The following SPDEF variants were observed in gnomAD, a reference collection of about 807,000 sequenced individuals.
The protein encoded by SPDEF is SAM pointed domain-containing Ets transcription factor.
Under a neutral mutation model 36.0 loss-of-function variants are expected in SPDEF, and 12 were observed. The observed-to-expected ratio is 0.33, with a 90% CI of 0.21 to 0.54. The LOEUF is 0.54. Among genes scored for constraint, SPDEF ranks in the 20% least tolerant of loss-of-function variants. The pLI is 0.93. For missense variants in SPDEF, 388 were observed against 456.9 expected (o/e 0.85, Z 1.37); for synonymous variants, 205 against 193.0 (o/e 1.06, Z -0.51).
chr6:34,551,701 G>A (rs1482330037), intron 1 of SPDEF, among the ~76,000 whole-genome samples: 7 of 152,120 alleles, frequency 4.6e-5, no homozygotes, highest in African/African-American at 1.4e-4. Context: ...TTGATGTCTG[G>A]AGGCTCTGAA....
chr6:34,543,195 C>CAAAAAAAAAAA, intron 2 of SPDEF, among the ~76,000 whole-genome samples: 1 of 69,142 alleles, frequency 1.4e-5, no homozygotes, highest in Non-Finnish European at 2.4e-5. Context: ...GACTCCATCT[C>CAAAAAAAAAAA]AAAAAAAAAA....
rs1768081845 is a variant in SPDEF at position 34,552,432 on chromosome 6, GT to G, written c.-30+3496del. 6.6e-6 allele frequency among the ~76,000 whole-genome samples: 1 copy of G among 152,238 alleles called. No homozygotes were observed. Among genetic ancestry groups the G allele is most frequent in the Non-Finnish European group, 1.5e-5 (1 of 68,050 alleles). ...CAGGGACTCATAAAGACAGCTGTGT[GT>G]CTGGATTTTGAAGTCACCAGGCAGG... On this transcript the variant is annotated intron_variant, in intron 1 of 5. Coordinates refer to ENST00000374037, the MANE Select transcript of SPDEF (RefSeq NM_012391.3). The surrounding 1 kb of genome is among the most constrained non-coding windows in gnomAD (Gnocchi z 4.6).
chr6:34,551,998 T>C (rs557430771), intron 1 of SPDEF, among the ~76,000 whole-genome samples: 1 of 152,162 alleles, frequency 6.6e-6, no homozygotes. Flanking sequence ...CCCATGTGTA[T>C]ATAAATACAT....
chr6:34,546,662 A>C (rs1205992101), intron 1 of SPDEF, among the ~76,000 whole-genome samples: 1 of 151,656 alleles, frequency 6.6e-6, no homozygotes, highest in Non-Finnish European at 1.5e-5. Flanking sequence ...CCAGTGTTAC[A>C]TGGCAGCCCT....
At chr6:34,546,487 G>C (rs1165592375) in intron 1 of SPDEF, among the ~76,000 whole-genome samples, 1 of 152,202 alleles carries the variant, frequency 6.6e-6, no homozygotes, top group Non-Finnish European at 1.5e-5. Context: ...AAAGAACCCA[G>C]TCTGGAAGAC....
chr6:34,537,911 C>T lies in SPDEF; in HGVS notation c.*363G>A, dbSNP rs1203082607. On this transcript the variant is annotated 3_prime_UTR_variant, in exon 6 of 6. Coordinates refer to ENST00000374037, the MANE Select transcript of SPDEF (RefSeq NM_012391.3). The stretch of plus-strand genomic sequence containing the variant: ...GCCAGGTGTGGTGCAGAATGGGAGG[C>T]AGGGGGATGGAGCAGAGAGAGGCCT... The T allele has an allele frequency of 1.4e-5, 3 of 210,308 alleles. No individual in the cohort carries two copies. In the East Asian group the frequency reaches 3.3e-4, roughly 23 times the overall value. The allele number at this position is 210,308 out of a possible 1,614,324, so 13.0% of individuals were successfully genotyped here.
rs1055984971 is a variant in SPDEF, at chr6:34,553,921, G to A, written c.-30+2008C>T. 2.5e-3 allele frequency among the ~76,000 whole-genome samples: 30 copies of A among 11,786 alleles called. No individual in the cohort carries two copies. The East Asian group carries it at 0.029, about 11-fold the overall frequency. 7.7% of individuals were successfully genotyped at this position (11,786 alleles called of 152,430 possible). A position where few individuals can be genotyped will look rare whatever the true frequency, so the allele number is the denominator to read the frequency against. Reference sequence around the variant, plus strand: ...CCCCACCCACTTCCCCCCGGCCCCCGCACCCGCCACCACCCCCCAACGCCC... The same window carrying A: ...CCCCACCCACTTCCCCCCGGCCCCCACACCCGCCACCACCCCCCAACGCCC... On this transcript the variant is annotated intron_variant, in intron 1 of 5. Transcript: ENST00000374037.
rs545710842 is a variant in SPDEF at position 34,539,775 on chromosome 6, C to T, written c.635-213G>A. Among the ~76,000 whole-genome samples, 83 of 152,280 alleles carry T rather than the reference C, an allele frequency of 5.5e-4. 2 individuals carry two copies. Among genetic ancestry groups the T allele is most frequent in the African/African-American group, 4.8e-5 (2 of 41,540 alleles). On this transcript the variant is annotated intron_variant, in intron 3 of 5. Transcript: ENST00000374037. This position sits in a 1 kb window ranked among gnomAD's most constrained non-coding sequence, Gnocchi z 5.2. ...TCAGGATTTCAGAGCTGGGAGGGGC[C>T]GTAAAGGGCTTGCATGCAACCCCTT...
At chr6:34,540,576 A>T (rs1468692231) in intron 3 of SPDEF, among the ~76,000 whole-genome samples, 1 of 151,632 alleles carries the variant, frequency 6.6e-6, no homozygotes, top group African/African-American at 2.4e-5. Flanking sequence ...ATGGTACACT[A>T]CTTTTCACTG....
At chr6:34,542,372 G>A (rs1321407439) in intron 2 of SPDEF, among the ~76,000 whole-genome samples, 1 of 152,242 alleles carries the variant, frequency 6.6e-6, no homozygotes, top group African/African-American at 2.4e-5. Flanking sequence ...CACAGCATCA[G>A]CTCCATAATC....
At position 34,544,196 on chromosome 6, in the gene SPDEF, G is replaced by A. The variant is rs763757146; in HGVS notation, c.260C>T (p.Pro87Leu). The A allele has an allele frequency of 2.2e-5, 36 of 1,613,772 alleles. No homozygotes were observed. In the African/African-American group the frequency reaches 4.7e-4, roughly 21 times the overall value. ...APGASSREEP[P>L]EEPEQCPVID... is the part of the protein sequence containing the mutation. Reference sequence around the variant, plus strand: ...GACCGGGCACTGCTCAGGCTCCTCAGGTGGCTCCTCCCGACTGCTGGCCCC... The same window carrying A: ...GACCGGGCACTGCTCAGGCTCCTCAAGTGGCTCCTCCCGACTGCTGGCCCC... The change falls in exon 2 of 6, where the codon CCT becomes CTT. Residue 87 changes from proline to leucine, a missense_variant. Pro to Leu is a moderately conservative substitution (Grantham distance 98, BLOSUM62 -3). Coordinates refer to ENST00000374037, the MANE Select transcript of SPDEF (RefSeq NM_012391.3). This position sits in a 1 kb window ranked among gnomAD's most constrained non-coding sequence, Gnocchi z 4.4.
intron 1 of SPDEF, among the ~76,000 whole-genome samples, chr6:34,548,542 C>G (rs1182166577): frequency 6.6e-6 from 1 of 152,122 alleles, no homozygotes; most frequent in Non-Finnish European, 1.5e-5. Context: ...CTGGAAGGGG[C>G]CATATATTAT....
intron 1 of SPDEF, among the ~76,000 whole-genome samples, chr6:34,545,137 G>C (rs963308039): frequency 3.3e-5 from 5 of 152,196 alleles, no homozygotes; most frequent in Non-Finnish European, 7.3e-5. Context: ...AGAGCTCACA[G>C]GTGTGTGTCT....
At chr6:34,545,698 C>A (rs181726438) in intron 1 of SPDEF, among the ~76,000 whole-genome samples, 1 of 152,074 alleles carries the variant, frequency 6.6e-6, no homozygotes, top group Non-Finnish European at 1.5e-5. Context: ...TCACCTGAGG[C>A]CAGGAGTTCG....
chr6:34,548,250 A>G (rs1415356560), intron 1 of SPDEF, among the ~76,000 whole-genome samples: 1 of 152,142 alleles, frequency 6.6e-6, no homozygotes, highest in East Asian at 1.9e-4. Flanking sequence ...CTTCCTGGCC[A>G]GGTGTGGGTT....
rs377253436 is a variant in SPDEF, at chr6:34,540,969, C to T, written c.634+15G>A. Reference sequence around the variant, plus strand: ...GAGCCTGGGAGGGGCTGCTCCCAGCCATGCCACATCCTACCTGACTTCCAG... The same window carrying T: ...GAGCCTGGGAGGGGCTGCTCCCAGCTATGCCACATCCTACCTGACTTCCAG... On this transcript the variant is annotated intron_variant, in intron 3 of 5. Coordinates refer to ENST00000374037, the MANE Select transcript of SPDEF (RefSeq NM_012391.3). The T allele has an allele frequency of 1.7e-5, 27 of 1,606,006 alleles. No homozygotes were observed. The African/African-American group carries it at 2.1e-4, about 13-fold the overall frequency.
chr6:34,546,991 G>GC (rs1393568266), intron 1 of SPDEF, among the ~76,000 whole-genome samples: 28 of 143,536 alleles, frequency 2.0e-4, no homozygotes, highest in East Asian at 4.3e-4. Flanking sequence ...CACCCCTGGG[G>GC]ACCCCCCCCC....
Position 34,544,497 on chromosome 6 carries a change from A to C in SPDEF, c.-29-13T>G. On this transcript the variant is annotated splice_polypyrimidine_tract_variant and intron_variant, in intron 1 of 5. Transcript: ENST00000374037. This position sits in a 1 kb window ranked among gnomAD's most constrained non-coding sequence, Gnocchi z 4.4. ...CTGGCGGCTGTGTCTACGGAAATGA[A>C]AGAGGACTCAGGTTTGACTGCTTCT... 1 of 1,489,738 alleles carries C rather than the reference A, an allele frequency of 6.7e-7. No individual in the cohort carries two copies. The highest frequency in any genetic ancestry group is 8.9e-7 in the Non-Finnish European group (1 of 1,122,316). 92.3% of individuals were successfully genotyped at this position (1,489,738 alleles called of 1,614,324 possible).
chr6:34,538,126 C>T lies in SPDEF; in HGVS notation c.*148G>A. The T allele has an allele frequency of 2.5e-6, 2 of 804,404 alleles. No homozygotes were observed. Among genetic ancestry groups the T allele is most frequent in the South Asian group, 1.8e-5 (1 of 54,760 alleles). The allele number at this position is 804,404 out of a possible 1,614,324, so 49.8% of individuals were successfully genotyped here. A position where few individuals can be genotyped will look rare whatever the true frequency, so the allele number is the denominator to read the frequency against. ...CCAGAGGACCCATATCCCCCTGGGG[C>T]AGTTGGTTGCCCCTCCCTGACCTTG... On this transcript the variant is annotated 3_prime_UTR_variant, in exon 6 of 6. Coordinates refer to ENST00000374037, the MANE Select transcript of SPDEF (RefSeq NM_012391.3). The surrounding 1 kb of genome is among the most constrained non-coding windows in gnomAD (Gnocchi z 5.9).
Sources: allele counts gnomAD v4.1 joint callset (sites outside exome capture counted in the v4.1 genomes callset), GRCh38; gene constraint gnomAD v4.1.1; non-coding constraint Gnocchi (gnomAD v3.1); transcripts MANE v1.5; gene names NCBI Gene and HGNC (gene_info 2026-07-23, HGNC 2026-07-21).